Variants in ACOT1 observed in about 807,000 individuals in gnomAD.
The protein encoded by ACOT1 is acyl-coenzyme A thioesterase 1.
In ACOT1, 8 loss-of-function variants were observed where a neutral mutation model predicts 15.7. The observed-to-expected ratio is 0.51, with a 90% CI of 0.30 to 0.92. ACOT1 has a LOEUF of 0.92. Ranked by LOEUF, ACOT1 falls within the 40% of genes least tolerant of loss-of-function variation. The pLI, the probability that ACOT1 is intolerant of heterozygous loss-of-function variation, is 0.06. For missense variants in ACOT1, 151 were observed against 539.4 expected, an observed-to-expected ratio of 0.28 and a Z score of 7.13; for synonymous variants, 67 against 241.2, an observed-to-expected ratio of 0.28 and a Z score of 6.69.
chr14:73,493,293 C>A, the ACOT1 span: 1,634 of 589,638 alleles, frequency 2.8e-3, 1 homozygote, highest in Non-Finnish European at 3.9e-3. Flanking sequence ...TTGGATCTTT[C>A]ATCTGAGTTC....
chr14:73,506,804 G>GTTTTTTTTTTTTTTTTTTTTTTTTTTTTT, the ACOT1 span, among the ~76,000 whole-genome samples: 22 of 80,490 alleles, frequency 2.7e-4, 3 homozygotes, highest in East Asian at 1.2e-3. Flanking sequence ...GACTTTAACT[G>GTTTTTTTTTTTTTTTTTTTTTTTTTTTTT]TTTTTTTTTT....
At chr14:73,533,885 A>G (rs1419932042), upstream of ACOT1, among the ~76,000 whole-genome samples, 1 of 103,944 alleles carries the variant, frequency 9.6e-6, no homozygotes, top group African/African-American at 3.1e-5. Context: ...TGTCTCTAAA[A>G]AAAAAAAAAA....
chr14:73,491,411 C>T, the ACOT1 span: 5 of 1,346,160 alleles, frequency 3.7e-6, no homozygotes, highest in Non-Finnish European at 4.7e-6. Context: ...GCCCGCGCGC[C>T]TGGTGGAGGT....
In ACOT1 at chr14:73,537,362, G is replaced by C. The variant is rs554663507; in HGVS notation, c.-60G>C. 1,217 of 1,200,382 alleles carry C rather than the reference G, an allele frequency of 1.0e-3. 372 individuals carry two copies. Among genetic ancestry groups the C allele is most frequent in the Non-Finnish European group, 1.2e-3 (1,113 of 903,010 alleles). 74.4% of individuals were successfully genotyped at this position (1,200,382 alleles called of 1,614,324 possible). A position where few individuals can be genotyped will look rare whatever the true frequency, so the allele number is the denominator to read the frequency against. ...GCAGCCCGAGAGGAAGAGTTGGGCA[G>C]AGTTGCAGGGGTCTCCACAGCTGAG... is the stretch of plus-strand genomic sequence containing the variant. On this transcript the variant is annotated 5_prime_UTR_variant, in exon 1 of 3. Transcript: ENST00000311148.
chr14:73,510,690 C>T, the ACOT1 span, among the ~76,000 whole-genome samples: 1 of 152,298 alleles, frequency 6.6e-6, no homozygotes. Flanking sequence ...CCTGCCTTGG[C>T]CTTCCAAAGT....
chr14:73,490,998 A>G, the ACOT1 span: 2 of 1,361,980 alleles, frequency 1.5e-6, no homozygotes, highest in East Asian at 2.9e-5. Flanking sequence ...CCGGGCGGGG[A>G]AGACTGGTGT....
the ACOT1 span, among the ~76,000 whole-genome samples, chr14:73,519,769 G>A: frequency 6.6e-6 from 1 of 152,228 alleles, no homozygotes; most frequent in South Asian, 2.1e-4. Context: ...TGTAATCCCA[G>A]CACTTTGGGA....
At chr14:73,524,313 ATAT>A in the ACOT1 span, among the ~76,000 whole-genome samples, 1,069 of 92,986 alleles carry the variant, frequency 0.011, 4 homozygotes, top group Non-Finnish European at 0.019. Flanking sequence ...AAAAAAAAAT[ATAT>A]ATATATATAT....
the ACOT1 span, among the ~76,000 whole-genome samples, chr14:73,516,572 A>G: frequency 6.6e-6 from 1 of 151,830 alleles, no homozygotes; most frequent in South Asian, 2.1e-4. Flanking sequence ...CCTTTGGGTT[A>G]TAGCTGGATA....
At chr14:73,498,057 C>T in the ACOT1 span, 2 of 1,148,262 alleles carry the variant, frequency 1.7e-6, no homozygotes, top group Non-Finnish European at 2.5e-6. Flanking sequence ...CTTTTACTGC[C>T]ATTAGGTAGC....
At chr14:73,504,467 C>T in the ACOT1 span, among the ~76,000 whole-genome samples, 1 of 152,116 alleles carries the variant, frequency 6.6e-6, no homozygotes, top group African/African-American at 2.4e-5. Flanking sequence ...TGGTCTCGAT[C>T]TCCTGACCTC....
chr14:73,507,112 T>G, the ACOT1 span, among the ~76,000 whole-genome samples: 2 of 152,098 alleles, frequency 1.3e-5, no homozygotes, highest in African/African-American at 4.8e-5. Context: ...CTTCTGTCTT[T>G]AACTGTTTTT....
At chr14:73,511,313 G>C in the ACOT1 span, among the ~76,000 whole-genome samples, 2 of 151,964 alleles carry the variant, frequency 1.3e-5, no homozygotes, top group East Asian at 3.9e-4. Context: ...AGGAGTTCAA[G>C]ACCAGCCTGG....
chr14:73,491,516 G>A, the ACOT1 span: 24 of 1,514,542 alleles, frequency 1.6e-5, no homozygotes, highest in African/African-American at 3.5e-4. Context: ...CCCTGCGACG[G>A]CGTCGGGGCC....
chr14:73,525,804 T>C, the ACOT1 span, among the ~76,000 whole-genome samples: 4 of 151,888 alleles, frequency 2.6e-5, no homozygotes, highest in African/African-American at 9.7e-5. Context: ...AATACAAAAA[T>C]TAGCTGGGCG....
chr14:73,509,413 T>C, the ACOT1 span: 5 of 1,614,076 alleles, frequency 3.1e-6, no homozygotes, highest in Non-Finnish European at 3.4e-6. Context: ...GGCATTCTTG[T>C]CACAAAGAGC....
In ACOT1 at chr14:73,541,794, C is replaced by T; in HGVS notation, c.660+99C>T. On this transcript the variant is annotated intron_variant, in intron 2 of 2. Transcript: ENST00000311148. ...GTTAGCTCATTCATGACAGCCATTC[C>T]CTACCCCAACACACACTACCTTTTT... 2 of 776,090 alleles carry T rather than the reference C, an allele frequency of 2.6e-6. 1 individual carries two copies. Among genetic ancestry groups the T allele is most frequent in the Non-Finnish European group, 3.9e-6 (2 of 516,096 alleles). 48.1% of individuals were successfully genotyped at this position (776,090 alleles called of 1,614,324 possible).
the ACOT1 span, chr14:73,523,159 T>C: frequency 6.4e-7 from 1 of 1,567,686 alleles, no homozygotes. Flanking sequence ...TCATACCGCG[T>C]CCCAGCAAAT....
At chr14:73,516,633 G>C in the ACOT1 span, among the ~76,000 whole-genome samples, 1 of 152,068 alleles carries the variant, frequency 6.6e-6, no homozygotes, top group Non-Finnish European at 1.5e-5. Flanking sequence ...TAAAGCTGGG[G>C]TCCCTAACCC....
Sources: allele counts gnomAD v4.1 joint callset (sites outside exome capture counted in the v4.1 genomes callset), GRCh38; gene constraint gnomAD v4.1.1; transcripts MANE v1.5; gene names NCBI Gene and HGNC (gene_info 2026-07-23, HGNC 2026-07-21).